BTBD7: variants seen among roughly 807,000 people sequenced by gnomAD.
The protein encoded by BTBD7 is BTB/POZ domain-containing protein 7.
A neutral mutation model predicts 99.9 loss-of-function variants in BTBD7; 38 were observed. That is an observed-to-expected ratio of 0.38 (90% confidence interval 0.29 to 0.50). The LOEUF (loss-of-function observed/expected upper bound fraction) is 0.50. Ranked by LOEUF, BTBD7 falls within the 20% of genes least tolerant of loss-of-function variation. BTBD7 has a pLI of 0.93. For missense variants in BTBD7, 1,170 were observed against 1,394.6 expected (o/e 0.84, Z 2.57); for synonymous variants, 520 against 511.4 (o/e 1.02, Z -0.23).
In BTBD7 at chr14:93,263,924, T is replaced by C; in HGVS notation, c.1232A>G (p.His411Arg). Residue 411 changes from histidine (H) to arginine (R), a missense_variant, in exon 4 of 11, where the codon CAT becomes CGT. Around this residue, in one of 4 missense-constraint regions of BTBD7, gnomAD observed 309 missense variants for 342.0 expected, o/e 0.90. Transcript: ENST00000334746. ...TLIAILKWSS[H>R]PYGSKWVHRQ... The stretch of plus-strand genomic sequence containing the variant: ...GTGCACCCATTTAGAGCCATATGGA[T>C]GAGAACTCCACTTGAGGATGGCAAT... 3 of 1,614,156 alleles carry C rather than the reference T, an allele frequency of 1.9e-6. No homozygotes were observed. The highest frequency in any genetic ancestry group is 2.5e-6 in the Non-Finnish European group (3 of 1,180,020).
At position 93,239,426 on chromosome 14, in the gene BTBD7, AATTTT is replaced by A. The variant is rs1407260804; in HGVS notation, c.*2842_*2846del. The A allele has an allele frequency of 6.6e-6, 1 of 151,844 alleles. No individual in the cohort carries two copies. Among genetic ancestry groups the A allele is most frequent in the Non-Finnish European group, 1.5e-5 (1 of 67,940 alleles). The allele number at this position is 151,844 out of a possible 1,614,324, so 9.4% of individuals were successfully genotyped here. A position where few individuals can be genotyped will look rare whatever the true frequency, so the allele number is the denominator to read the frequency against. The stretch of plus-strand genomic sequence containing the variant: ...GTAAAATGCCAGTTCCCATGGCCTA[AATTTT>A]ATTTTATATATATATATGCTTTTTT... On this transcript the variant is annotated 3_prime_UTR_variant, in exon 11 of 11. Coordinates refer to ENST00000334746, the MANE Select transcript of BTBD7 (RefSeq NM_001002860.4).
intron 1 of BTBD7, among the ~76,000 whole-genome samples, chr14:93,329,010 A>G (rs866679135): frequency 6.6e-6 from 1 of 152,216 alleles, no homozygotes; most frequent in South Asian, 2.1e-4. Context: ...ATAAGCAACA[A>G]AAGAAAATCT....
At chr14:93,308,287 C>CAAA (rs869127588) in intron 1 of BTBD7, among the ~76,000 whole-genome samples, 1 of 74,932 alleles carries the variant, frequency 1.3e-5, no homozygotes, top group African/African-American at 4.3e-5. Flanking sequence ...ACTCGGTCTC[C>CAAA]AAAAAAAAAA....
chr14:93,321,977 A>G (rs368850911), intron 1 of BTBD7, among the ~76,000 whole-genome samples: 2 of 152,198 alleles, frequency 1.3e-5, no homozygotes, highest in East Asian at 3.9e-4. Flanking sequence ...CGGAGAGAAC[A>G]AAACTGGATT....
At position 93,240,551 on chromosome 14, in the gene BTBD7, T is replaced by C. The variant is rs2052213554; in HGVS notation, c.*1722A>G. The C allele has an allele frequency of 6.6e-6, 1 of 152,658 alleles. No individual in the cohort carries two copies. The highest frequency in any genetic ancestry group is 2.4e-5 in the African/African-American group (1 of 41,464). The allele number at this position is 152,658 out of a possible 1,614,324, so 9.5% of individuals were successfully genotyped here. ...TGTGAGTGATTCATAGTTTTTTATA[T>C]ATATACATACATAGAAAAGAGGATC... On this transcript the variant is annotated 3_prime_UTR_variant, in exon 11 of 11. Coordinates refer to ENST00000334746, the MANE Select transcript of BTBD7 (RefSeq NM_001002860.4).
chr14:93,250,783 G>GT (rs1000307619), intron 8 of BTBD7, among the ~76,000 whole-genome samples: 12 of 152,118 alleles, frequency 7.9e-5, no homozygotes, highest in African/African-American at 2.9e-4. Context: ...CCCTAAAGTC[G>GT]TAAGACATAA....
rs951864072 is a variant in BTBD7, at chr14:93,242,848, A to T, written c.2824T>A (p.Tyr942Asn). 1 of 1,614,100 alleles carries T rather than the reference A, an allele frequency of 6.2e-7. No homozygotes were observed. Among genetic ancestry groups the T allele is most frequent in the Non-Finnish European group, 8.5e-7 (1 of 1,180,034 alleles). The change falls in exon 11 of 11, where the codon TAT becomes AAT. Residue 942 changes from tyrosine to asparagine, a missense_variant. Around this residue, in one of 4 missense-constraint regions of BTBD7, gnomAD observed 495 missense variants for 525.9 expected, o/e 0.94. Coordinates refer to ENST00000334746, the MANE Select transcript of BTBD7 (RefSeq NM_001002860.4). ...TTTGAGAAGTCATAGAAATCCGGATATTCCTGTGGATTTTCTCTGGTGTCT... is the reference window on the plus strand; with the variant it reads ...TTTGAGAAGTCATAGAAATCCGGATTTTCCTGTGGATTTTCTCTGGTGTCT... Reference protein sequence around the residue: ...KTDTRENPQEYPDFYDFSNAA... With the variant: ...KTDTRENPQENPDFYDFSNAA...
intron 1 of BTBD7, among the ~76,000 whole-genome samples, chr14:93,307,156 T>G (rs7161162): frequency 6.6e-6 from 1 of 152,116 alleles, no homozygotes; most frequent in Non-Finnish European, 1.5e-5. Flanking sequence ...TTAGTTTTCC[T>G]GTACTTTTCT....
At chr14:93,304,244 C>T (rs926404588) in intron 1 of BTBD7, among the ~76,000 whole-genome samples, 5 of 152,178 alleles carry the variant, frequency 3.3e-5, no homozygotes, top group Non-Finnish European at 7.3e-5. Context: ...AATGATTGTT[C>T]TAATCAGGGA....
intron 1 of BTBD7, among the ~76,000 whole-genome samples, chr14:93,306,092 AAATT>A (rs1359182004): frequency 6.6e-6 from 1 of 152,252 alleles, no homozygotes; most frequent in Non-Finnish European, 1.5e-5. Context: ...CTATAATAAA[AAATT>A]AAGTAATACA....
At chr14:93,304,097 AG>A (rs1286585263) in intron 1 of BTBD7, among the ~76,000 whole-genome samples, 1 of 152,198 alleles carries the variant, frequency 6.6e-6, no homozygotes, top group Non-Finnish European at 1.5e-5. Flanking sequence ...AATTATTATG[AG>A]GCCCTGCAAG....
chr14:93,321,128 A>T (rs890388076), intron 1 of BTBD7, among the ~76,000 whole-genome samples: 1 of 152,236 alleles, frequency 6.6e-6, no homozygotes, highest in Non-Finnish European at 1.5e-5. Context: ...GCATGAAAAC[A>T]TTACTGCATT....
chr14:93,252,101 T>C (rs2052374663), intron 7 of BTBD7, among the ~76,000 whole-genome samples: 1 of 152,038 alleles, frequency 6.6e-6, no homozygotes, highest in African/African-American at 2.4e-5. Flanking sequence ...CCTGAGGTCA[T>C]GAGTTCAAGA....
In BTBD7 at chr14:93,242,018, C is replaced by A; in HGVS notation, c.*255G>T. 2.1e-6 allele frequency: 1 copy of A among 467,706 alleles called. No individual in the cohort carries two copies. The highest frequency in any genetic ancestry group is 3.7e-6 in the Non-Finnish European group (1 of 266,886). 29.0% of individuals were successfully genotyped at this position (467,706 alleles called of 1,614,324 possible). On this transcript the variant is annotated 3_prime_UTR_variant, in exon 11 of 11. Transcript: ENST00000334746. ...ATTTGTAAAGAGAAATAAAAAGTGC[C>A]AGCCTGCTTGTTCTTAAAAATGCCT...
rs1242030102 is a variant in BTBD7, at chr14:93,332,902, CGCACCGGCGCCA to C, written c.-201_-190del. ...CGCCGCCGCCACCAGCACCGCCGTCCGCACCGGCGCCAGCACCCCCGGCCATCCTCCTCCCAC... is the reference window on the plus strand; with the variant it reads ...CGCCGCCGCCACCAGCACCGCCGTCCGCACCCCCGGCCATCCTCCTCCCAC... On this transcript the variant is annotated 5_prime_UTR_variant, in exon 1 of 11. Transcript: ENST00000334746. 3.7e-6 allele frequency: 5 copies of C among 1,366,462 alleles called. No homozygotes were observed. Among genetic ancestry groups the C allele is most frequent in the Non-Finnish European group, 4.8e-6 (5 of 1,035,148 alleles). 84.6% of individuals were successfully genotyped at this position (1,366,462 alleles called of 1,614,324 possible). A position where few individuals can be genotyped will look rare whatever the true frequency, so the allele number is the denominator to read the frequency against.
intron 3 of BTBD7, among the ~76,000 whole-genome samples, chr14:93,281,225 C>T (rs2052716270): frequency 6.7e-6 from 1 of 148,602 alleles, no homozygotes; most frequent in Non-Finnish European, 1.5e-5. Flanking sequence ...TGATCTCAAA[C>T]TCCTGGACTC....
At chr14:93,320,331 G>C (rs1459297354) in intron 1 of BTBD7, among the ~76,000 whole-genome samples, 3 of 152,178 alleles carry the variant, frequency 2.0e-5, no homozygotes, top group African/African-American at 7.2e-5. Flanking sequence ...CTGGACAGGG[G>C]AAAGGGGAAG....
intron 5 of BTBD7, among the ~76,000 whole-genome samples, chr14:93,259,755 G>A (rs1235580763): frequency 1.3e-5 from 2 of 152,102 alleles, no homozygotes; most frequent in Non-Finnish European, 2.9e-5. Flanking sequence ...CTAACATGGC[G>A]AAACCCTGTG....
At chr14:93,278,065 A>C (rs1365385350) in intron 3 of BTBD7, among the ~76,000 whole-genome samples, 2 of 152,216 alleles carry the variant, frequency 1.3e-5, no homozygotes, top group Non-Finnish European at 2.9e-5. Context: ...ATTATAATGG[A>C]ATTAAGAATA....
Sources: allele counts gnomAD v4.1 joint callset (sites outside exome capture counted in the v4.1 genomes callset), GRCh38; gene constraint gnomAD v4.1.1; regional missense constraint gnomAD v4.1.1; transcripts MANE v1.5; gene names NCBI Gene and HGNC (gene_info 2026-07-23, HGNC 2026-07-21).